The following KCTD16 variants were observed in gnomAD, a reference collection of about 807,000 sequenced individuals.
KCTD16 encodes the protein potassium channel tetramerization domain containing 16.
Under a neutral mutation model 33.2 loss-of-function variants are expected in KCTD16, and 13 were observed. The ratio of observed to expected loss-of-function variants is 0.39; its 90% CI spans 0.25 to 0.62. KCTD16 has a LOEUF of 0.62. KCTD16 is among the 20% of genes least tolerant of loss of function. The pLI is 0.50. For synonymous variants in KCTD16, 197 were observed against 195.3 expected (o/e 1.01, Z -0.07); for missense variants, 441 against 525.1 (o/e 0.84, Z 1.57).
chr5:144,221,576 G>A (rs1753755805), intron 3 of KCTD16, among the ~76,000 whole-genome samples: 1 of 152,090 alleles, frequency 6.6e-6, no homozygotes, highest in African/African-American at 2.4e-5. Flanking sequence ...CTTCATCCGT[G>A]TCCCTGCAAA....
intron 3 of KCTD16, among the ~76,000 whole-genome samples, chr5:144,271,109 T>TC (rs1166631646): frequency 2.6e-5 from 4 of 152,142 alleles, no homozygotes; most frequent in African/African-American, 9.6e-5. Flanking sequence ...AAACGCCAGT[T>TC]CTTCTCAAAC....
At chr5:144,235,848 C>G (rs747575220) in intron 3 of KCTD16, among the ~76,000 whole-genome samples, 28 of 151,984 alleles carry the variant, frequency 1.8e-4, no homozygotes, top group Non-Finnish European at 3.5e-4. Context: ...CAAAACCCAC[C>G]AAAATAATTT....
At chr5:144,471,447 T>G (rs185181371) in intron 3 of KCTD16, among the ~76,000 whole-genome samples, 3 of 152,242 alleles carry the variant, frequency 2.0e-5, no homozygotes, top group Non-Finnish European at 4.4e-5. Flanking sequence ...CTGTTCTTTT[T>G]GTAAAAGCTA....
intron 3 of KCTD16, among the ~76,000 whole-genome samples, chr5:144,401,380 G>T (rs959149367): frequency 6.6e-6 from 1 of 152,118 alleles, no homozygotes; most frequent in Admixed American, 6.5e-5. Context: ...ACTGGTGTAG[G>T]AGTGTATGTC....
intron 2 of KCTD16, among the ~76,000 whole-genome samples, chr5:144,194,232 A>G (rs938085566): frequency 6.6e-6 from 1 of 152,234 alleles, no homozygotes; most frequent in African/African-American, 2.4e-5. Flanking sequence ...GACAAGTGAC[A>G]TCTAACAAAT....
intron 3 of KCTD16, among the ~76,000 whole-genome samples, chr5:144,279,242 T>C (rs886362689): frequency 6.6e-6 from 1 of 152,236 alleles, no homozygotes; most frequent in Non-Finnish European, 1.5e-5. Flanking sequence ...ATGTTGCCTA[T>C]GAATAGAGAC....
chr5:144,376,236 G>A (rs926367629), intron 3 of KCTD16, among the ~76,000 whole-genome samples: 6 of 151,864 alleles, frequency 4.0e-5, no homozygotes, highest in African/African-American at 1.5e-4. Context: ...GTTTCCTGCT[G>A]GTTGATAATT....
intron 3 of KCTD16, among the ~76,000 whole-genome samples, chr5:144,424,950 C>T (rs1186677470): frequency 6.6e-6 from 1 of 152,134 alleles, no homozygotes; most frequent in Admixed American, 6.6e-5. Flanking sequence ...TATGTCCTCA[C>T]ATACAAATAC....
At chr5:144,190,592 T>A (rs1752821459) in intron 2 of KCTD16, among the ~76,000 whole-genome samples, 1 of 152,182 alleles carries the variant, frequency 6.6e-6, no homozygotes, top group Non-Finnish European at 1.5e-5. Flanking sequence ...TTTACTATAG[T>A]TCACCTGACT....
In KCTD16 at chr5:144,470,477, G is replaced by A. The variant is rs78572576; in HGVS notation, c.833-3183G>A. Among the ~76,000 whole-genome samples the A allele has an allele frequency of 9.9e-3, 1,513 of 152,114 alleles. 27 individuals carry two copies. Among genetic ancestry groups the A allele is most frequent in the African/African-American group, 0.035 (1,451 of 41,488 alleles). ...GTAGTACTATTAATCCTATAATATT[G>A]GATCAGCTGGATGGGGCCCTTCTGA... On this transcript the variant is annotated intron_variant, in intron 3 of 3. Coordinates refer to ENST00000512467, the MANE Select transcript of KCTD16 (RefSeq NM_020768.4).
At chr5:144,222,798 A>T (rs943330240) in intron 3 of KCTD16, among the ~76,000 whole-genome samples, 2 of 152,206 alleles carry the variant, frequency 1.3e-5, no homozygotes, top group African/African-American at 4.8e-5. Flanking sequence ...CTGGGTATAT[A>T]CCCAAAGGAT....
chr5:144,433,181 G>A (rs1292373997), intron 3 of KCTD16, among the ~76,000 whole-genome samples: 2 of 152,128 alleles, frequency 1.3e-5, no homozygotes. Context: ...TAAGAAAAAT[G>A]TAAATGAATT....
intron 3 of KCTD16, among the ~76,000 whole-genome samples, chr5:144,453,926 T>A (rs767323): frequency 0.05 from 7,616 of 152,200 alleles, 652 homozygotes; most frequent in African/African-American, 0.17. Flanking sequence ...CCGTTTACTC[T>A]AGGGTGACCT....
At chr5:144,271,827 C>A (rs1294551410) in intron 3 of KCTD16, among the ~76,000 whole-genome samples, 5 of 151,280 alleles carry the variant, frequency 3.3e-5, no homozygotes, top group African/African-American at 1.2e-4. Context: ...CAGCAGGATA[C>A]AAAGTCAACA....
rs547430280 is a variant in KCTD16 at position 144,289,041 on chromosome 5, AAAAC to A, written c.832+81498_832+81501del. Among the ~76,000 whole-genome samples, 149 of 151,234 alleles carry A rather than the reference AAAAC, an allele frequency of 9.9e-4. 2 individuals are homozygous for A. The highest frequency in any genetic ancestry group is 3.4e-3 in the African/African-American group (141 of 41,014). On this transcript the variant is annotated intron_variant, in intron 3 of 3. Coordinates refer to ENST00000512467, the MANE Select transcript of KCTD16 (RefSeq NM_020768.4). ...AAACAAAAACAAACAAACAAACAAAAAAACAAGCAAGCAAGCATCCTGGTTATGT... is the reference window on the plus strand; with the variant it reads ...AAACAAAAACAAACAAACAAACAAAAAAGCAAGCAAGCATCCTGGTTATGT...
At chr5:144,427,560 T>A (rs116504704) in intron 3 of KCTD16, among the ~76,000 whole-genome samples, 4,933 of 152,152 alleles carry the variant, frequency 0.032, 110 homozygotes, top group Middle Eastern at 0.068. Context: ...TTTAAAAAAA[T>A]TGAAGAAGAG....
At chr5:144,380,986 G>A (rs1030535180) in intron 3 of KCTD16, among the ~76,000 whole-genome samples, 2 of 152,108 alleles carry the variant, frequency 1.3e-5, no homozygotes, top group African/African-American at 4.8e-5. Flanking sequence ...TTTCTGCACA[G>A]CAAAAGAAAC....
chr5:144,319,917 T>C (rs1241763305), intron 3 of KCTD16, among the ~76,000 whole-genome samples: 4 of 152,088 alleles, frequency 2.6e-5, no homozygotes, highest in African/African-American at 9.7e-5. Context: ...GGTATAAATA[T>C]ACTTATAAAT....
At chr5:144,263,967 G>A (rs149915289) in intron 3 of KCTD16, among the ~76,000 whole-genome samples, 25 of 152,248 alleles carry the variant, frequency 1.6e-4, no homozygotes, top group Admixed American at 1.4e-3. Context: ...TAATTTCAGC[G>A]TGGGGTTCCA....
Sources: allele counts gnomAD v4.1 joint callset (sites outside exome capture counted in the v4.1 genomes callset), GRCh38; gene constraint gnomAD v4.1.1; transcripts MANE v1.5; gene names NCBI Gene and HGNC (gene_info 2026-07-23, HGNC 2026-07-21).